Variants in RTKN2 observed in about 807,000 individuals in gnomAD.
The protein encoded by RTKN2 is rhotekin 2, also known as rhotekin-2.
RTKN2 carries 69 observed loss-of-function variants against 71.5 expected under a neutral mutation model. That is an observed-to-expected ratio of 0.96 (90% CI 0.79 to 1.18). The LOEUF is 1.18. Ranked by LOEUF, RTKN2 falls within the 50% of genes most tolerant of loss-of-function variation. The pLI, the probability that RTKN2 is intolerant of heterozygous loss-of-function variation, is 0.00. For synonymous variants in RTKN2, 236 were observed against 236.5 expected, an observed-to-expected ratio of 1.00 and a Z score of 0.02; for missense variants, 724 against 719.7, an observed-to-expected ratio of 1.01 and a Z score of -0.07.
intron 8 of RTKN2, among the ~76,000 whole-genome samples, chr10:62,186,560 G>A (rs908338290): frequency 6.6e-6 from 1 of 151,676 alleles, no homozygotes; most frequent in African/African-American, 2.4e-5. Context: ...TGCTGGGGTG[G>A]GGGTGGGGTA....
chr10:62,209,085 C>T (rs979642681), intron 9 of RTKN2, among the ~76,000 whole-genome samples: 1 of 152,014 alleles, frequency 6.6e-6, no homozygotes, highest in African/African-American at 2.4e-5. Context: ...GCCTAACCAA[C>T]GCGGAGAAAC....
In RTKN2 at chr10:62,194,001, C is replaced by T; in HGVS notation, c.*3907G>A. 7 of 985,060 alleles carry T rather than the reference C, an allele frequency of 7.1e-6. No individual in the cohort carries two copies. The highest frequency in any genetic ancestry group is 8.4e-6 in the Non-Finnish European group (7 of 829,658). The allele number at this position is 985,060 out of a possible 1,614,324, so 61.0% of individuals were successfully genotyped here. A position where few individuals can be genotyped will look rare whatever the true frequency, so the allele number is the denominator to read the frequency against. ...AAGAGAAAAAGTTAGAAAACGTCTT[C>T]ATGAATCAGTTCTTTTAATGTACAG... is the stretch of plus-strand genomic sequence containing the variant. On this transcript the variant is annotated 3_prime_UTR_variant, in exon 12 of 12. Coordinates refer to ENST00000373789, the MANE Select transcript of RTKN2 (RefSeq NM_145307.4).
At chr10:62,236,741 A>C (rs779347032) in intron 5 of RTKN2, among the ~76,000 whole-genome samples, 1 of 152,042 alleles carries the variant, frequency 6.6e-6, no homozygotes, top group Non-Finnish European at 1.5e-5. Flanking sequence ...CAGATAAAGA[A>C]AATAAGCTAC....
rs114981678 is a variant in RTKN2 at position 62,193,698 on chromosome 10, C to T, written c.*4210G>A. The T allele has an allele frequency of 3.8e-4, 375 of 984,934 alleles. 2 individuals are homozygous for T. In the African/African-American group the frequency reaches 5.6e-3, roughly 15 times the overall value. 61.0% of individuals were successfully genotyped at this position (984,934 alleles called of 1,614,324 possible). A position where few individuals can be genotyped will look rare whatever the true frequency, so the allele number is the denominator to read the frequency against. On this transcript the variant is annotated 3_prime_UTR_variant, in exon 12 of 12. Coordinates refer to ENST00000373789, the MANE Select transcript of RTKN2 (RefSeq NM_145307.4). ...TAAGGAGACTCCTTGTGGCTAGTAG[C>T]GACTGAATATCCTACGTACCTAATT... is the stretch of plus-strand genomic sequence containing the variant.
intron 1 of RTKN2, among the ~76,000 whole-genome samples, chr10:62,265,422 C>A (rs1053979497): frequency 6.6e-6 from 1 of 152,098 alleles, no homozygotes; most frequent in Non-Finnish European, 1.5e-5. Context: ...GACCCATAAT[C>A]CAGCCAAATT....
chr10:62,231,821 A>G (rs1475481321), intron 6 of RTKN2, among the ~76,000 whole-genome samples: 3 of 152,186 alleles, frequency 2.0e-5, no homozygotes, highest in East Asian at 3.8e-4. Flanking sequence ...TTAAAGACTA[A>G]AAGCTGTATT....
downstream of RTKN2, among the ~76,000 whole-genome samples, chr10:62,189,736 G>A (rs1043565510): frequency 6.6e-6 from 1 of 152,102 alleles, no homozygotes; most frequent in African/African-American, 2.4e-5. Context: ...TGAGGGAGGA[G>A]AATGGCTTGA....
At chr10:62,201,166 T>C (rs916759988) in intron 10 of RTKN2, among the ~76,000 whole-genome samples, 1 of 152,150 alleles carries the variant, frequency 6.6e-6, no homozygotes, top group African/African-American at 2.4e-5. Context: ...AATACACTTA[T>C]GTTGTATATC....
chr10:62,259,704 A>G (rs1265522760), intron 2 of RTKN2, among the ~76,000 whole-genome samples: 2 of 152,114 alleles, frequency 1.3e-5, no homozygotes, highest in African/African-American at 4.8e-5. Context: ...GGCACATGCC[A>G]CCATGCCTGG....
At chr10:62,215,868 G>C (rs1451147404) in intron 9 of RTKN2, among the ~76,000 whole-genome samples, 2 of 151,698 alleles carry the variant, frequency 1.3e-5, no homozygotes, top group African/African-American at 2.4e-5. Context: ...GGCAAGTAAT[G>C]AAAAAAGCAT....
At chr10:62,211,246 C>A (rs1841652647) in intron 9 of RTKN2, among the ~76,000 whole-genome samples, 1 of 152,126 alleles carries the variant, frequency 6.6e-6, no homozygotes, top group Non-Finnish European at 1.5e-5. Context: ...GTGAAGTTTT[C>A]TGAATTTGAA....
At chr10:62,232,315 C>CTTTT (rs56139482) in intron 6 of RTKN2, among the ~76,000 whole-genome samples, 1 of 117,196 alleles carries the variant, frequency 8.5e-6, no homozygotes, top group African/African-American at 3.0e-5. Flanking sequence ...TTCTTTCTTT[C>CTTTT]TTTTTTTTTT....
intron 2 of RTKN2, among the ~76,000 whole-genome samples, chr10:62,253,059 G>C (rs1842611431): frequency 6.6e-6 from 1 of 152,028 alleles, no homozygotes; most frequent in African/African-American, 2.4e-5. Context: ...CCATTAAAAG[G>C]ATTTCCAGAT....
In RTKN2 at chr10:62,249,008, A is replaced by G. The variant is rs533002532; in HGVS notation, c.258-2951T>C. Among the ~76,000 whole-genome samples, 6 of 152,340 alleles carry G rather than the reference A, an allele frequency of 3.9e-5. No homozygotes were observed. The South Asian group carries it at 1.0e-3, about 26-fold the overall frequency. On this transcript the variant is annotated intron_variant, in intron 2 of 11. Transcript: ENST00000373789. The stretch of plus-strand genomic sequence containing the variant: ...CTCAAACGTTTAGCATGAAATTTTA[A>G]CCCATCCTAAAACTATGCTATAAAA...
chr10:62,212,115 T>A (rs1033566877), intron 9 of RTKN2, among the ~76,000 whole-genome samples: 8 of 138,816 alleles, frequency 5.8e-5, no homozygotes, highest in African/African-American at 1.3e-4. Context: ...AAAAAAAAAA[T>A]ATATATATAT....
In RTKN2 at chr10:62,195,904, C is replaced by G. The variant is rs1166184882; in HGVS notation, c.*2004G>C. 1.8e-5 allele frequency: 18 copies of G among 985,172 alleles called. No individual in the cohort carries two copies. In the South Asian group the frequency reaches 2.8e-4, roughly 15 times the overall value. The allele number at this position is 985,172 out of a possible 1,614,324, so 61.0% of individuals were successfully genotyped here. A position where few individuals can be genotyped will look rare whatever the true frequency, so the allele number is the denominator to read the frequency against. On this transcript the variant is annotated 3_prime_UTR_variant, in exon 12 of 12. Coordinates refer to ENST00000373789, the MANE Select transcript of RTKN2 (RefSeq NM_145307.4). ...TCAAAGTTCTACTCTGAGGGCACAA[C>G]TGCTAGGTAATTTCTGTATGAATAC...
chr10:62,200,823 T>C (rs1841426675), intron 10 of RTKN2, among the ~76,000 whole-genome samples: 1 of 152,150 alleles, frequency 6.6e-6, no homozygotes, highest in African/African-American at 2.4e-5. Context: ...AATAAAATTC[T>C]GAGTCTAATT....
At chr10:62,237,316 G>T (rs546029339) in intron 5 of RTKN2, among the ~76,000 whole-genome samples, 15 of 151,908 alleles carry the variant, frequency 9.9e-5, no homozygotes, top group Middle Eastern at 6.8e-3. Flanking sequence ...ATAAGTGCAA[G>T]GTTTATGGGA....
rs1842918626 is a variant in RTKN2, at chr10:62,268,794, A to C, written c.-184T>G. On this transcript the variant is annotated 5_prime_UTR_variant, in exon 1 of 12. Coordinates refer to ENST00000373789, the MANE Select transcript of RTKN2 (RefSeq NM_145307.4). ...GCAGTGGGCGCGCCTTGCGCTCTGC[A>C]GCTCCCGCCGCCGGAAGTTGCCGAG... 2.5e-5 allele frequency: 15 copies of C among 589,790 alleles called. No homozygotes were observed. Among genetic ancestry groups the C allele is most frequent in the Admixed American group, 2.2e-4 (6 of 27,502 alleles). The allele number at this position is 589,790 out of a possible 1,614,324, so 36.5% of individuals were successfully genotyped here. A position where few individuals can be genotyped will look rare whatever the true frequency, so the allele number is the denominator to read the frequency against.
Sources: allele counts gnomAD v4.1 joint callset (sites outside exome capture counted in the v4.1 genomes callset), GRCh38; gene constraint gnomAD v4.1.1; transcripts MANE v1.5; gene names NCBI Gene and HGNC (gene_info 2026-07-23, HGNC 2026-07-21).